The following FLT3LG variants were observed in gnomAD, a reference collection of about 807,000 sequenced individuals.
The protein encoded by FLT3LG is fms related receptor tyrosine kinase 3 ligand, also known as fms-related tyrosine kinase 3 ligand.
FLT3LG carries 8 observed loss-of-function variants against 30.9 expected under a neutral mutation model. The ratio of observed to expected loss-of-function variants is 0.26; its 90% confidence interval spans 0.15 to 0.47. The LOEUF (loss-of-function observed/expected upper bound fraction) is 0.47, where lower values mean the gene tolerates loss of function less well. FLT3LG is among the 20% of genes least tolerant of loss of function. The probability of loss-of-function intolerance (pLI) is 0.99; values close to 1 mark genes in which losing one functional copy is unlikely to be tolerated. For missense variants in FLT3LG, 278 were observed against 306.2 expected (o/e 0.91, Z 0.69); for synonymous variants, 123 against 135.9 (o/e 0.91, Z 0.66).
intron 6 of FLT3LG, chr19:49,479,719 G>C: frequency 5.7e-6 from 1 of 176,240 alleles, no homozygotes; most frequent in South Asian, 7.6e-5. Flanking sequence ...TGTCAGCCAG[G>C]ATGGTCTCGA....
At chr19:49,479,078 C>T in intron 6 of FLT3LG, 31 bp downstream of exon 6, 2 of 1,586,844 alleles carry the variant, frequency 1.3e-6, no homozygotes, top group South Asian at 1.2e-5. Flanking sequence ...CCACTCCTTC[C>T]CCTCCTGTCC....
chr19:49,484,607 C>T (rs1248210027), intron 8 of FLT3LG, among the ~76,000 whole-genome samples: 2 of 152,044 alleles, frequency 1.3e-5, no homozygotes, highest in Non-Finnish European at 2.9e-5. Context: ...AGCGATTCTA[C>T]TGCCTCAGCC....
At chr19:49,474,554 A>C (rs1601061362) in intron 1 of FLT3LG, 49 bp from the exon 2 acceptor site, 2 of 1,192,884 alleles carry the variant, frequency 1.7e-6, no homozygotes, top group Non-Finnish European at 2.2e-6. Flanking sequence ...CGGGCAGGGC[A>C]GGGGCTGGGG....
Position 49,476,411 on chromosome 19 carries a change from T to C in FLT3LG, c.199-12T>C. ...CAGCTCCTCCCTCAGACCCGTGGGTTCTCCCCTCTAGGAGGAGCTCTGCGG... is the reference window on the plus strand; with the variant it reads ...CAGCTCCTCCCTCAGACCCGTGGGTCCTCCCCTCTAGGAGGAGCTCTGCGG... On this transcript the variant is annotated splice_polypyrimidine_tract_variant and intron_variant, in intron 4 of 8. Coordinates refer to ENST00000597551, the MANE Select transcript of FLT3LG (RefSeq NM_001459.4). The surrounding 1 kb of genome is among the most constrained non-coding windows in gnomAD (Gnocchi z 5.3). 6.2e-7 allele frequency: 1 copy of C among 1,608,654 alleles called. No homozygotes were observed. The highest frequency in any genetic ancestry group is 8.5e-7 in the Non-Finnish European group (1 of 1,177,424).
At chr19:49,481,093 C>G (rs1433534090) in intron 8 of FLT3LG, 2 of 156,590 alleles carry the variant, frequency 1.3e-5, no homozygotes, top group Non-Finnish European at 2.8e-5. Flanking sequence ...AGACTGGAGA[C>G]CAAGCCGGAG....
Position 49,474,246 on chromosome 19 carries a change from G to T in FLT3LG, c.-73G>T, listed in dbSNP as rs1342151156. ...ACTTTCGGTCTCTGGCTGTCACCCG[G>T]CTTGGCCCCTTCCACACCCAACTGG... On this transcript the variant is annotated 5_prime_UTR_variant, in exon 1 of 9. Transcript: ENST00000597551. 1.1e-5 allele frequency: 3 copies of T among 284,622 alleles called. No individual in the cohort carries two copies. Among genetic ancestry groups the T allele is most frequent in the Non-Finnish European group, 2.0e-5 (3 of 149,762 alleles). 17.6% of individuals were successfully genotyped at this position (284,622 alleles called of 1,614,324 possible).
At chr19:49,475,038 AGGGGGAGATGGACAGAGGT>A (rs2079334738) in intron 2 of FLT3LG, among the ~76,000 whole-genome samples, 1 of 83,282 alleles carries the variant, frequency 1.2e-5, no homozygotes, top group Non-Finnish European at 2.2e-5. Context: ...TGGACAGAGA[AGGGGGAGATGGACAGAGGT>A]GGGGGAGATG....
At position 49,476,046 on chromosome 19, in the gene FLT3LG, C is replaced by T. The variant is rs1256509251; in HGVS notation, c.145-99C>T. 2.2e-6 allele frequency: 3 copies of T among 1,385,320 alleles called. No individual in the cohort carries two copies. Among genetic ancestry groups the T allele is most frequent in the Middle Eastern group, 3.5e-4 (2 of 5,638 alleles). The allele number at this position is 1,385,320 out of a possible 1,614,324, so 85.8% of individuals were successfully genotyped here. A position where few individuals can be genotyped will look rare whatever the true frequency, so the allele number is the denominator to read the frequency against. On this transcript the variant is annotated intron_variant, in intron 3 of 8. Transcript: ENST00000597551. The surrounding 1 kb of genome is among the most constrained non-coding windows in gnomAD (Gnocchi z 5.3). ...TCTTCTGGGCTCCCCCTCTCTTGGT[C>T]TTGTCCCTCTCTCTCTGGATCTCTG...
Position 49,474,655 on chromosome 19 carries a change from C to T in FLT3LG, c.16C>T (p.Pro6Ser). ...CCCGGCCGAAATGACAGTGCTGGCGCCAGCCTGGAGCCCAACAGTGCGTAA... is the reference window on the plus strand; with the variant it reads ...CCCGGCCGAAATGACAGTGCTGGCGTCAGCCTGGAGCCCAACAGTGCGTAA... MTVLA[P>S]AWSPTTYLLL... Residue 6 changes from proline (P) to serine (S), a missense_variant, in exon 2 of 9, where the codon CCA becomes TCA. By Grantham distance (74) the Pro-to-Ser change is moderately conservative (BLOSUM62 -1). Transcript: ENST00000597551. The T allele has an allele frequency of 1.2e-6, 2 of 1,612,528 alleles. No homozygotes were observed. Among genetic ancestry groups the T allele is most frequent in the South Asian group, 1.1e-5 (1 of 90,512 alleles).
intron 8 of FLT3LG, among the ~76,000 whole-genome samples, chr19:49,483,923 C>T (rs951616063): frequency 3.3e-5 from 5 of 149,640 alleles, no homozygotes; most frequent in East Asian, 2.0e-4. Context: ...ATTGCTCTGT[C>T]GCCCAGGGTG....
At chr19:49,482,627 ATTT>A (rs59196692) in intron 8 of FLT3LG, among the ~76,000 whole-genome samples, 75 of 141,252 alleles carry the variant, frequency 5.3e-4, no homozygotes, top group Middle Eastern at 3.6e-3. Context: ...TGGTAGCCAC[ATTT>A]TTTTTTTTTT....
At chr19:49,478,089 C>T (rs1172318488) in intron 5 of FLT3LG, among the ~76,000 whole-genome samples, 5 of 151,176 alleles carry the variant, frequency 3.3e-5, no homozygotes, top group South Asian at 2.1e-4. Flanking sequence ...CCGAGGCGGG[C>T]GAGTCACCTG....
At chr19:49,481,999 G>A (rs1462113398) in intron 8 of FLT3LG, 1 of 151,638 alleles carries the variant, frequency 6.6e-6, no homozygotes, top group Non-Finnish European at 1.5e-5. Flanking sequence ...GGCCCATGCT[G>A]GGCTTTCCAC....
Position 49,479,034 on chromosome 19 carries a change from G to A in FLT3LG, c.468G>A (p.Leu156=), listed in dbSNP as rs753402069. 1 of 1,607,908 alleles carries A rather than the reference G, an allele frequency of 6.2e-7. No homozygotes were observed. Among genetic ancestry groups the A allele is most frequent in the Non-Finnish European group, 8.5e-7 (1 of 1,177,230 alleles). The change falls in exon 6 of 9, where the codon CTG becomes CTA. Residue 156 remains leucine (L), a synonymous_variant. Transcript: ENST00000597551. The part of the protein sequence containing the change: ...TRQNFSRCLE[L]QCQPDSSTLP... ...AGAACTTCTCCCGGTGCCTGGAGCT[G>A]CAGTGTCAGCCCGGTAAAGGCTTCC...
At chr19:49,484,864 C>G (rs900381444) in intron 8 of FLT3LG, among the ~76,000 whole-genome samples, 1 of 152,100 alleles carries the variant, frequency 6.6e-6, no homozygotes, top group Non-Finnish European at 1.5e-5. Context: ...CTTGGCAGAT[C>G]GCTTGAGCCT....
intron 1 of FLT3LG, 37 bp downstream of exon 1, chr19:49,474,318 G>A: frequency 1.9e-6 from 1 of 524,622 alleles, no homozygotes; most frequent in Non-Finnish European, 3.4e-6. Context: ...TCCCCAAGGG[G>A]CGGAGCCAGG....
In FLT3LG at chr19:49,480,609, G is replaced by A. The variant is rs2079571735; in HGVS notation, c.*10G>A. ...GCTTGTGGAGCACTGACCTGGCCAA[G>A]GCCTCATCCTGGTGAGTCCTTCCTG... is the stretch of plus-strand genomic sequence containing the variant. On this transcript the variant is annotated 3_prime_UTR_variant, in exon 8 of 9. Coordinates refer to ENST00000597551, the MANE Select transcript of FLT3LG (RefSeq NM_001459.4). 1.2e-6 allele frequency: 2 copies of A among 1,611,530 alleles called. No homozygotes were observed. The highest frequency in any genetic ancestry group is 1.7e-6 in the Non-Finnish European group (2 of 1,178,970).
intron 8 of FLT3LG, among the ~76,000 whole-genome samples, chr19:49,483,358 C>A (rs1160798954): frequency 6.6e-6 from 1 of 151,906 alleles, no homozygotes. Flanking sequence ...CCTCGTGATC[C>A]GCCCGCCTCA....
rs538588013 is a variant in FLT3LG at position 49,474,735 on chromosome 19, G to C, written c.33+63G>C. Reference sequence around the variant, plus strand: ...AGGCACAATGTCAGGATGGGGCAGAGATGAGGGGAGATGGACGGGAGAACA... The same window carrying C: ...AGGCACAATGTCAGGATGGGGCAGACATGAGGGGAGATGGACGGGAGAACA... On this transcript the variant is annotated intron_variant, in intron 2 of 8. Transcript: ENST00000597551. 4 of 1,528,810 alleles carry C rather than the reference G, an allele frequency of 2.6e-6. No homozygotes were observed. The South Asian group carries it at 4.6e-5, about 18-fold the overall frequency. 94.7% of individuals were successfully genotyped at this position (1,528,810 alleles called of 1,614,324 possible). A position where few individuals can be genotyped will look rare whatever the true frequency, so the allele number is the denominator to read the frequency against.
Sources: allele counts gnomAD v4.1 joint callset (sites outside exome capture counted in the v4.1 genomes callset), GRCh38; gene constraint gnomAD v4.1.1; non-coding constraint Gnocchi (gnomAD v3.1); transcripts MANE v1.5; gene names NCBI Gene and HGNC (gene_info 2026-07-23, HGNC 2026-07-21).